Variants in PRKG1 observed in about 807,000 individuals in gnomAD.
The protein encoded by PRKG1 is cGMP-dependent protein kinase 1.
PRKG1 carries 35 observed loss-of-function variants against 88.1 expected under a neutral mutation model. The ratio of observed to expected loss-of-function variants is 0.40; its 90% CI spans 0.30 to 0.53. PRKG1 has a LOEUF of 0.53. Ranked by LOEUF, PRKG1 falls within the 20% of genes least tolerant of loss-of-function variation. The pLI is 0.59. For missense variants in PRKG1, 540 were observed against 839.8 expected, an observed-to-expected ratio of 0.64 and a Z score of 4.41; for synonymous variants, 303 against 292.5, an observed-to-expected ratio of 1.04 and a Z score of -0.37.
chr10:51,259,573 A>C (rs1317677892), intron 2 of PRKG1, among the ~76,000 whole-genome samples: 1 of 152,168 alleles, frequency 6.6e-6, no homozygotes, highest in Non-Finnish European at 1.5e-5. Context: ...TCCTGGGTTC[A>C]AGCAATTCTC....
chr10:51,925,268 C>A (rs1030120572), intron 5 of PRKG1, among the ~76,000 whole-genome samples: 2 of 151,736 alleles, frequency 1.3e-5, no homozygotes, highest in African/African-American at 4.8e-5. Flanking sequence ...GTGTCAGGGG[C>A]TAAAATTCCC....
chr10:51,629,413 T>G (rs563275381), intron 3 of PRKG1, among the ~76,000 whole-genome samples: 5 of 151,970 alleles, frequency 3.3e-5, no homozygotes, highest in Admixed American at 2.6e-4. Flanking sequence ...GTAGAATCAC[T>G]GGGAGCTCTG....
chr10:51,531,819 A>G (rs1235710075), intron 3 of PRKG1, among the ~76,000 whole-genome samples: 2 of 151,310 alleles, frequency 1.3e-5, no homozygotes, highest in Non-Finnish European at 2.9e-5. Context: ...TAATTTTTGT[A>G]TTTTTAGTAG....
At chr10:51,513,137 A>G (rs1390625228) in intron 3 of PRKG1, among the ~76,000 whole-genome samples, 1 of 151,778 alleles carries the variant, frequency 6.6e-6, no homozygotes, top group African/African-American at 2.4e-5. Flanking sequence ...CTCAAAATAA[A>G]AGGATGGAGG....
intron 2 of PRKG1, among the ~76,000 whole-genome samples, chr10:51,168,396 A>G (rs749409803): frequency 1.3e-5 from 2 of 152,196 alleles, no homozygotes; most frequent in Non-Finnish European, 2.9e-5. Context: ...TGTTTTAAAA[A>G]TGTAGTTAAT....
intron 2 of PRKG1, among the ~76,000 whole-genome samples, chr10:51,248,248 CAA>C (rs1409418148): frequency 1.3e-5 from 2 of 151,820 alleles, no homozygotes; most frequent in Non-Finnish European, 2.9e-5. Flanking sequence ...TGTAGTATGA[CAA>C]AGTCAGGATC....
intron 2 of PRKG1, among the ~76,000 whole-genome samples, chr10:51,282,791 A>T (rs1028301708): frequency 7.3e-5 from 11 of 150,958 alleles, no homozygotes; most frequent in African/African-American, 2.4e-4. Flanking sequence ...ACAAAAAAAA[A>T]CTACCCAGGG....
intron 3 of PRKG1, among the ~76,000 whole-genome samples, chr10:51,722,479 G>T (rs1050895164): frequency 2.0e-5 from 3 of 151,582 alleles, no homozygotes; most frequent in Non-Finnish European, 4.4e-5. Context: ...ATATTATGTT[G>T]ATACTTATTA....
rs79026139 is a variant in PRKG1 at position 52,099,793 on chromosome 10, A to G, written c.936-34047A>G. 9.1e-3 allele frequency among the ~76,000 whole-genome samples: 1,388 copies of G among 152,258 alleles called. 29 individuals carry two copies. The highest frequency in any genetic ancestry group is 0.032 in the African/African-American group (1,322 of 41,542). On this transcript the variant is annotated intron_variant, in intron 7 of 17. Coordinates refer to ENST00000373980, the MANE Select transcript of PRKG1 (RefSeq NM_006258.4). ...GCCACTAAATAGCCACGCAGTCCTG[A>G]GTTGACTTCATTCTGTAAGGCTCCT...
At chr10:52,008,326 A>C (rs928993166) in intron 5 of PRKG1, among the ~76,000 whole-genome samples, 2 of 152,142 alleles carry the variant, frequency 1.3e-5, no homozygotes, top group Non-Finnish European at 2.9e-5. Flanking sequence ...ATAATACATC[A>C]ACAGATGTAG....
At chr10:52,136,808 C>T (rs975674888) in intron 8 of PRKG1, among the ~76,000 whole-genome samples, 11 of 152,024 alleles carry the variant, frequency 7.2e-5, no homozygotes, top group African/African-American at 2.7e-4. Flanking sequence ...CTGTGTTTCT[C>T]TCTACTCAGC....
At chr10:51,074,307 C>G (rs1347460034), upstream of PRKG1, 1 of 460,798 alleles carries the variant, frequency 2.2e-6, no homozygotes, top group East Asian at 4.9e-5. Flanking sequence ...CGCGCCGCGG[C>G]GCCCACCGCG....
At chr10:51,223,999 G>T (rs544011201) in intron 2 of PRKG1, among the ~76,000 whole-genome samples, 9 of 152,262 alleles carry the variant, frequency 5.9e-5, no homozygotes, top group African/African-American at 2.2e-4. Context: ...TGCCCATCCT[G>T]TAAATGGTAT....
At chr10:52,032,888 G>T (rs2133212526) in intron 5 of PRKG1, among the ~76,000 whole-genome samples, 1 of 152,268 alleles carries the variant, frequency 6.6e-6, no homozygotes, top group South Asian at 2.1e-4. Context: ...CTTTTTAGTA[G>T]TGTGTGTCTG....
intron 2 of PRKG1, among the ~76,000 whole-genome samples, chr10:51,229,332 A>G (rs1056427402): frequency 2.6e-5 from 4 of 152,152 alleles, no homozygotes; most frequent in African/African-American, 4.8e-5. Context: ...TTCCCAGATA[A>G]GAAGGTATTG....
rs553235166 is a variant in PRKG1, at chr10:51,616,399, G to A, written c.592+148563G>A. Reference sequence around the variant, plus strand: ...GTGGGTGATGGCAGTGTCAGGGGCAGGATAGTCCTGTGGAGCAGGAGTGAA... The same window carrying A: ...GTGGGTGATGGCAGTGTCAGGGGCAAGATAGTCCTGTGGAGCAGGAGTGAA... On this transcript the variant is annotated intron_variant, in intron 3 of 17. Coordinates refer to ENST00000373980, the MANE Select transcript of PRKG1 (RefSeq NM_006258.4). 9.4e-4 allele frequency among the ~76,000 whole-genome samples: 143 copies of A among 152,306 alleles called. 3 individuals are homozygous for A. The South Asian group carries it at 0.021, about 23-fold the overall frequency.
rs1460358283 is a variant in PRKG1 at position 51,369,001 on chromosome 10, G to GA, written c.479-98715dup. Among the ~76,000 whole-genome samples the GA allele has an allele frequency of 4.6e-5, 7 of 152,014 alleles. No individual in the cohort carries two copies. The East Asian group carries it at 5.8e-4, about 13-fold the overall frequency. On this transcript the variant is annotated intron_variant, in intron 2 of 17. Transcript: ENST00000373980. ...GATTTCCTTCATCTTCATAACACCA[G>GA]AAAAAAATCTTAGAAATGAGATAGT...
At chr10:51,347,045 A>T (rs562350224) in intron 2 of PRKG1, among the ~76,000 whole-genome samples, 1 of 152,248 alleles carries the variant, frequency 6.6e-6, no homozygotes, top group East Asian at 1.9e-4. Flanking sequence ...CAGCATCCTG[A>T]GTCTGGTTAT....
intron 2 of PRKG1, among the ~76,000 whole-genome samples, chr10:51,462,840 A>AT (rs751752280): frequency 2.6e-4 from 40 of 152,214 alleles, no homozygotes; most frequent in African/African-American, 7.9e-4. Flanking sequence ...AATGATTTGA[A>AT]TTTTTTTTAT....
Sources: allele counts gnomAD v4.1 joint callset (sites outside exome capture counted in the v4.1 genomes callset), GRCh38; gene constraint gnomAD v4.1.1; transcripts MANE v1.5; gene names NCBI Gene and HGNC (gene_info 2026-07-23, HGNC 2026-07-21).